The following PTPRG variants were observed in gnomAD, a reference collection of about 807,000 sequenced individuals.
PTPRG encodes the protein receptor-type tyrosine-protein phosphatase gamma.
In PTPRG, 102 loss-of-function variants were observed where a neutral mutation model predicts 165.3. The observed-to-expected ratio is 0.62, with a 90% CI of 0.53 to 0.73. PTPRG has a LOEUF of 0.73. Among genes scored for constraint, PTPRG ranks in the 30% least tolerant of loss-of-function variants. The pLI, the probability that PTPRG is intolerant of heterozygous loss-of-function variation, is 0.00. For synonymous variants in PTPRG, 675 were observed against 669.5 expected (o/e 1.01, Z -0.13); for missense variants, 1,866 against 1,861.4 (o/e 1.00, Z -0.05).
chr3:61,808,409 G>A lies in PTPRG; in HGVS notation c.190+59427G>A, dbSNP rs562443032. ...GCACTCACCCCTATTCCTTAACTGT[G>A]AAATCTATACATTTTTTTTTCATCC... is the stretch of plus-strand genomic sequence containing the variant. On this transcript the variant is annotated intron_variant, in intron 2 of 29. Coordinates refer to ENST00000474889, the MANE Select transcript of PTPRG (RefSeq NM_002841.4). 4.6e-5 allele frequency among the ~76,000 whole-genome samples: 7 copies of A among 152,190 alleles called. No homozygotes were observed. In the East Asian group the frequency reaches 1.4e-3, roughly 29 times the overall value.
At chr3:61,769,688 G>T (rs2034147560) in intron 2 of PTPRG, 3 of 152,264 alleles carry the variant, frequency 2.0e-5, no homozygotes, top group African/African-American at 4.8e-5. Flanking sequence ...AGCAGTGAGG[G>T]TACCAAAGAA....
intron 1 of PTPRG, among the ~76,000 whole-genome samples, chr3:61,621,051 A>ATATATATATATATATATATATATG: frequency 8.5e-6 from 1 of 117,946 alleles, no homozygotes; most frequent in Admixed American, 9.4e-5. Flanking sequence ...ATATATATAT[A>ATATATATATATATATATATATATG]TGTGTGTGTG....
intron 5 of PTPRG, among the ~76,000 whole-genome samples, chr3:62,109,927 C>T (rs1251216124): frequency 6.6e-6 from 1 of 152,104 alleles, no homozygotes; most frequent in Non-Finnish European, 1.5e-5. Flanking sequence ...TATAAACCAT[C>T]ACCAGCACAC....
intron 2 of PTPRG, among the ~76,000 whole-genome samples, chr3:61,913,872 A>C (rs1177647050): frequency 6.6e-6 from 1 of 152,164 alleles, no homozygotes; most frequent in Non-Finnish European, 1.5e-5. Context: ...TCTTCTCACC[A>C]GTGTGAATGT....
intron 5 of PTPRG, among the ~76,000 whole-genome samples, chr3:62,097,326 A>G (rs1161350087): frequency 2.0e-5 from 3 of 152,180 alleles, no homozygotes; most frequent in African/African-American, 7.2e-5. Context: ...GCCAAAGGCG[A>G]TATTACTCCA....
At chr3:61,752,172 A>T (rs1448001846) in intron 2 of PTPRG, among the ~76,000 whole-genome samples, 2 of 152,148 alleles carry the variant, frequency 1.3e-5, no homozygotes, top group Non-Finnish European at 2.9e-5. Context: ...GAGCTGAACA[A>T]GTTAGATTCT....
At chr3:61,834,696 C>G (rs1425365820) in intron 2 of PTPRG, among the ~76,000 whole-genome samples, 1 of 152,038 alleles carries the variant, frequency 6.6e-6, no homozygotes, top group Non-Finnish European at 1.5e-5. Flanking sequence ...GCCTGTAGTC[C>G]CAACTACTCA....
chr3:61,890,090 G>A (rs893893402), intron 2 of PTPRG, among the ~76,000 whole-genome samples: 5 of 152,160 alleles, frequency 3.3e-5, no homozygotes, highest in African/African-American at 1.2e-4. Flanking sequence ...TTTCTGCAGA[G>A]TATATGAGGA....
chr3:62,060,276 C>A (rs1700766784), intron 4 of PTPRG, among the ~76,000 whole-genome samples: 1 of 151,528 alleles, frequency 6.6e-6, no homozygotes, highest in Non-Finnish European at 1.5e-5. Context: ...ATGAGTTGCA[C>A]CTTTAGTGGC....
intron 1 of PTPRG, among the ~76,000 whole-genome samples, chr3:61,625,895 C>T (rs1014083453): frequency 3.3e-5 from 5 of 152,172 alleles, no homozygotes; most frequent in African/African-American, 1.2e-4. Flanking sequence ...AGTGTTCCTA[C>T]AGCTGCTTTC....
At chr3:62,287,041 C>T (rs1318314502) in intron 28 of PTPRG, among the ~76,000 whole-genome samples, 3 of 151,980 alleles carry the variant, frequency 2.0e-5, no homozygotes, top group East Asian at 1.9e-4. Flanking sequence ...CTTATTTAAC[C>T]GTGGCTAAAT....
intron 19 of PTPRG, among the ~76,000 whole-genome samples, chr3:62,268,445 A>G (rs191018380): frequency 6.6e-6 from 1 of 152,276 alleles, no homozygotes. Flanking sequence ...ATGATTCCCT[A>G]TGTAACAAAC....
intron 1 of PTPRG, among the ~76,000 whole-genome samples, chr3:61,691,597 A>C (rs2030218251): frequency 6.6e-6 from 1 of 152,228 alleles, no homozygotes; most frequent in Non-Finnish European, 1.5e-5. Flanking sequence ...ACTAGGGGGA[A>C]GTGGACAGAG....
intron 2 of PTPRG, among the ~76,000 whole-genome samples, chr3:61,915,371 C>G (rs761461556): frequency 4.1e-4 from 63 of 152,128 alleles, no homozygotes; most frequent in Non-Finnish European, 8.4e-4. Flanking sequence ...TTTTCCTGTT[C>G]TGTGTTTTCT....
intron 1 of PTPRG, among the ~76,000 whole-genome samples, chr3:61,580,601 C>T (rs1700269791): frequency 6.6e-6 from 1 of 152,080 alleles, no homozygotes; most frequent in African/African-American, 2.4e-5. Context: ...TCCTAAAGTG[C>T]TGGGATTATA....
At chr3:62,001,428 G>C (rs1418650089) in intron 3 of PTPRG, among the ~76,000 whole-genome samples, 1 of 152,080 alleles carries the variant, frequency 6.6e-6, no homozygotes, top group Non-Finnish European at 1.5e-5. Context: ...CAATCAAAAC[G>C]TTTTGCCTTC....
At chr3:62,147,893 C>T (rs1028049580) in intron 6 of PTPRG, among the ~76,000 whole-genome samples, 3 of 152,170 alleles carry the variant, frequency 2.0e-5, no homozygotes, top group African/African-American at 4.8e-5. Context: ...TGGTGGCTCA[C>T]GCCTGTAATC....
chr3:62,211,155 A>G (rs77209219), intron 12 of PTPRG, among the ~76,000 whole-genome samples: 2,070 of 152,336 alleles, frequency 0.014, 45 homozygotes, highest in African/African-American at 0.047. Context: ...TAGTACATAC[A>G]ATGAAATAAC....
intron 6 of PTPRG, among the ~76,000 whole-genome samples, chr3:62,151,364 C>G (rs778727728): frequency 1.1e-4 from 16 of 152,096 alleles, no homozygotes; most frequent in Admixed American, 3.9e-4. Flanking sequence ...ACTGGTTATT[C>G]ATATTGTCAT....
Sources: gnomAD v4.1 joint callset for allele counts (sites outside exome capture counted in the v4.1 genomes callset) on GRCh38, gnomAD v4.1.1 for gene constraint, MANE v1.5 for transcripts, NCBI Gene and HGNC (gene_info 2026-07-23, HGNC 2026-07-21) for gene names.